PRELID2: variants seen among roughly 807,000 people sequenced by gnomAD.
PRELID2 encodes PRELI domain-containing protein 2.
In PRELID2, 25 loss-of-function variants were observed where a neutral mutation model predicts 28.4. That is an observed-to-expected ratio of 0.88 (90% CI 0.64 to 1.23). PRELID2 has a LOEUF of 1.23. Among genes scored for constraint, PRELID2 ranks in the 50% most tolerant of loss-of-function variants. PRELID2 has a pLI of 0.00. For synonymous variants in PRELID2, 76 were observed against 71.6 expected (o/e 1.06, Z -0.31); for missense variants, 201 against 214.4 (o/e 0.94, Z 0.39).
chr5:145,483,067 G>A (rs540972937), intron 1 of PRELID2, among the ~76,000 whole-genome samples: 1 of 152,164 alleles, frequency 6.6e-6, no homozygotes, highest in Admixed American at 6.6e-5. Context: ...CTATAAAATG[G>A]GGACTATTAT....
At chr5:145,494,642 G>C (rs1038799279) in intron 1 of PRELID2, among the ~76,000 whole-genome samples, 1 of 152,064 alleles carries the variant, frequency 6.6e-6, no homozygotes, top group Non-Finnish European at 1.5e-5. Flanking sequence ...AAATAAAAGA[G>C]AGAGAATAGA....
intron 1 of PRELID2, among the ~76,000 whole-genome samples, chr5:145,735,619 G>A (rs1186694089): frequency 6.6e-6 from 1 of 152,188 alleles, no homozygotes; most frequent in Non-Finnish European, 1.5e-5. Flanking sequence ...ACATTACTAT[G>A]CAATTACATT....
chr5:145,738,711 CT>C (rs1561565276), intron 1 of PRELID2, among the ~76,000 whole-genome samples: 1 of 152,096 alleles, frequency 6.6e-6, no homozygotes, highest in East Asian at 1.9e-4. Flanking sequence ...AAAGATCTAA[CT>C]CCTGTCATCA....
the PRELID2 span, among the ~76,000 whole-genome samples, chr5:145,251,370 G>A: frequency 0.024 from 3,600 of 152,182 alleles, 142 homozygotes; most frequent in African/African-American, 0.082. Flanking sequence ...TTTTTAAGTG[G>A]GCCATGAGCC....
chr5:145,362,272 A>C, the PRELID2 span, among the ~76,000 whole-genome samples: 2 of 152,156 alleles, frequency 1.3e-5, no homozygotes, highest in African/African-American at 2.4e-5. Flanking sequence ...GAGGACAGAG[A>C]AACTAAGGAA....
the PRELID2 span, among the ~76,000 whole-genome samples, chr5:145,391,321 T>A: frequency 6.6e-6 from 1 of 152,218 alleles, no homozygotes; most frequent in Non-Finnish European, 1.5e-5. Flanking sequence ...ACAAGCTGAA[T>A]ATAACATGAA....
chr5:145,370,621 G>A, the PRELID2 span, among the ~76,000 whole-genome samples: 4 of 151,720 alleles, frequency 2.6e-5, no homozygotes, highest in Non-Finnish European at 4.4e-5. Context: ...CTTTGATTCC[G>A]TACGAAATTT....
intron 1 of PRELID2, among the ~76,000 whole-genome samples, chr5:145,652,556 C>T (rs985821596): frequency 6.6e-6 from 1 of 152,190 alleles, no homozygotes; most frequent in African/African-American, 2.4e-5. Flanking sequence ...GATCTCTCGG[C>T]AGAAACTCTA....
At chr5:145,539,964 C>T (rs752985662) in intron 1 of PRELID2, among the ~76,000 whole-genome samples, 63 of 151,516 alleles carry the variant, frequency 4.2e-4, no homozygotes, top group Non-Finnish European at 6.5e-4. Flanking sequence ...TTATGATTGT[C>T]GCTTTTCTTA....
chr5:145,404,931 G>A, the PRELID2 span, among the ~76,000 whole-genome samples: 1 of 152,102 alleles, frequency 6.6e-6, no homozygotes, highest in Admixed American at 6.5e-5. Flanking sequence ...CAGAGTGAAG[G>A]CAGGATGTGG....
the PRELID2 span, among the ~76,000 whole-genome samples, chr5:145,335,513 C>A: frequency 2.6e-5 from 4 of 152,006 alleles, no homozygotes; most frequent in Non-Finnish European, 5.9e-5. Context: ...TTATCAGTTA[C>A]TGAAAACTTC....
intron 1 of PRELID2, among the ~76,000 whole-genome samples, chr5:145,563,738 C>T (rs894515002): frequency 1.3e-5 from 2 of 152,112 alleles, no homozygotes; most frequent in African/African-American, 4.8e-5. Context: ...TAAATAGACC[C>T]AAGCTGAGAG....
chr5:145,467,072 A>C (rs1361812300), downstream of PRELID2, among the ~76,000 whole-genome samples: 1 of 152,144 alleles, frequency 6.6e-6, no homozygotes, highest in African/African-American at 2.4e-5. Context: ...ATCTCCCAGG[A>C]GTATCTTCCC....
the PRELID2 span, among the ~76,000 whole-genome samples, chr5:145,410,999 C>A: frequency 6.6e-6 from 1 of 151,978 alleles, no homozygotes. Context: ...TACACCCATT[C>A]CAAATGGGAG....
chr5:145,396,975 TGAAA>T, the PRELID2 span, among the ~76,000 whole-genome samples: 1 of 151,920 alleles, frequency 6.6e-6, no homozygotes, highest in Non-Finnish European at 1.5e-5. Flanking sequence ...AGGTTAGAAA[TGAAA>T]GAACTTATAC....
chr5:145,280,583 A>T, the PRELID2 span, among the ~76,000 whole-genome samples: 1 of 152,116 alleles, frequency 6.6e-6, no homozygotes, highest in African/African-American at 2.4e-5. Flanking sequence ...GCACACCAGC[A>T]TGGCACATGT....
chr5:145,355,479 C>T, the PRELID2 span, among the ~76,000 whole-genome samples: 48 of 152,172 alleles, frequency 3.2e-4, no homozygotes, highest in African/African-American at 1.1e-3. Context: ...CTGATGATAT[C>T]TCTTATTAAC....
chr5:145,335,750 G>A, the PRELID2 span, among the ~76,000 whole-genome samples: 55 of 152,300 alleles, frequency 3.6e-4, no homozygotes, highest in African/African-American at 1.3e-3. Flanking sequence ...GGAAGAAAGA[G>A]CTCAAAGAAC....
chr5:145,427,128 A>G, the PRELID2 span, among the ~76,000 whole-genome samples: 1 of 152,236 alleles, frequency 6.6e-6, no homozygotes, highest in Admixed American at 6.5e-5. Context: ...TTTGTCAAAT[A>G]CATCTAATTG....
Sources: allele counts gnomAD v4.1 joint callset (sites outside exome capture counted in the v4.1 genomes callset), GRCh38; gene constraint gnomAD v4.1.1; transcripts MANE v1.5; gene names NCBI Gene and HGNC (gene_info 2026-07-23, HGNC 2026-07-21).